SPTAN1: variants seen among roughly 807,000 people sequenced by gnomAD.
SPTAN1 encodes spectrin alpha, non-erythrocytic 1, also known as spectrin alpha chain, non-erythrocytic 1.
SPTAN1 carries 61 observed loss-of-function variants against 331.3 expected under a neutral mutation model. The observed-to-expected ratio is 0.18, with a 90% CI of 0.15 to 0.23. The LOEUF is 0.23. SPTAN1 is among the 10% of genes least tolerant of loss of function. The pLI is 1.00. For synonymous variants in SPTAN1, 1,153 were observed against 1,173.9 expected (o/e 0.98, Z 0.36); for missense variants, 2,043 against 3,147.9 (o/e 0.65, Z 8.40).
intron 22 of SPTAN1, 116 bp downstream of exon 22, chr9:128,591,741 G>C: frequency 7.5e-7 from 1 of 1,324,782 alleles, no homozygotes; most frequent in South Asian, 1.3e-5. Flanking sequence ...CACGCCTCCT[G>C]CTGTCTCCAC....
chr9:128,560,473 C>T (rs1246583924), intron 1 of SPTAN1, among the ~76,000 whole-genome samples: 3 of 151,838 alleles, frequency 2.0e-5, no homozygotes, highest in South Asian at 2.1e-4. Context: ...CTCCGCCTCC[C>T]AGGCTCAAGG....
At position 128,584,399 on chromosome 9, in the gene SPTAN1, G is replaced by C; in HGVS notation, c.2311G>C (p.Glu771Gln). 6.2e-7 allele frequency: 1 copy of C among 1,614,192 alleles called. No homozygotes were observed. Among genetic ancestry groups the C allele is most frequent in the Non-Finnish European group, 8.5e-7 (1 of 1,180,038 alleles). The stretch of plus-strand genomic sequence containing the variant: ...CGTGGCTCGCTATGAGGCACTCAAG[G>C]AGCCCATGGTTGCCCGGAAGCAGAA... ...ALVARYEALKEPMVARKQKLA... is the reference protein window; with the variant it reads ...ALVARYEALKQPMVARKQKLA... The change falls in exon 17 of 57, where the codon GAG becomes CAG. Residue 771 changes from glutamate (E) to glutamine (Q), a missense_variant. Coordinates refer to ENST00000372739, the MANE Select transcript of SPTAN1 (RefSeq NM_001130438.3).
intron 48 of SPTAN1, 183 bp from the exon 49 acceptor site, chr9:128,626,208 A>T: frequency 4.2e-6 from 4 of 946,878 alleles, no homozygotes; most frequent in Non-Finnish European, 6.6e-6. Context: ...AAAGGGTAGG[A>T]AGGGGAAAAA....
intron 24 of SPTAN1, among the ~76,000 whole-genome samples, chr9:128,595,223 C>T (rs1197122786): frequency 2.0e-5 from 3 of 152,098 alleles, no homozygotes; most frequent in Admixed American, 2.0e-4. Flanking sequence ...GATTCTCATG[C>T]CTCAGCCACC....
intron 44 of SPTAN1, 78 bp from the exon 45 acceptor site, chr9:128,621,080 G>A (rs1857789153): frequency 8.0e-7 from 1 of 1,254,282 alleles, no homozygotes; most frequent in South Asian, 1.2e-5. Flanking sequence ...TAGCAGTTTT[G>A]TCACTCTCTG....
chr9:128,633,070 A>G lies in SPTAN1; in HGVS notation c.7308+115A>G. 6.3e-7 allele frequency: 1 copy of G among 1,592,650 alleles called. No homozygotes were observed. The highest frequency in any genetic ancestry group is 8.6e-7 in the Non-Finnish European group (1 of 1,169,498). ...GCGCTGGGTATTCTCCCCATTTACA[A>G]ATCAAACTCAGTATGGACAGAAGTC... On this transcript the variant is annotated intron_variant, in intron 56 of 56. Coordinates refer to ENST00000372739, the MANE Select transcript of SPTAN1 (RefSeq NM_001130438.3).
At chr9:128,610,573 C>T (rs539174609) in intron 37 of SPTAN1, among the ~76,000 whole-genome samples, 1 of 151,494 alleles carries the variant, frequency 6.6e-6, no homozygotes, top group African/African-American at 2.4e-5. Context: ...TTTTTTTGCC[C>T]CCCAAATAAC....
chr9:128,554,412 G>C (rs890347028), intron 1 of SPTAN1, among the ~76,000 whole-genome samples: 1 of 152,180 alleles, frequency 6.6e-6, no homozygotes. Flanking sequence ...TGATGAAGAG[G>C]TGCACATGGG....
intron 1 of SPTAN1, among the ~76,000 whole-genome samples, chr9:128,563,392 G>A (rs1849641167): frequency 6.6e-6 from 1 of 152,096 alleles, no homozygotes; most frequent in Non-Finnish European, 1.5e-5. Flanking sequence ...TCTAGCCTGG[G>A]CAACAGAGTG....
Position 128,584,421 on chromosome 9 carries a change from A to G in SPTAN1, c.2333A>G (p.Gln778Arg). Reference sequence around the variant, plus strand: ...AAGGAGCCCATGGTTGCCCGGAAGCAGAAGCTGGCCGATTCTCTGCGGTTG... The same window carrying G: ...AAGGAGCCCATGGTTGCCCGGAAGCGGAAGCTGGCCGATTCTCTGCGGTTG... ...ALKEPMVARK[Q>R]KLADSLRLQQ... Residue 778 changes from glutamine to arginine, a missense_variant, in exon 17 of 57, where the codon CAG becomes CGG. Around this residue, in one of 12 missense-constraint regions of SPTAN1, gnomAD observed 1,038 missense variants for 1,531.5 expected, o/e 0.68. Transcript: ENST00000372739. 2 of 1,614,206 alleles carry G rather than the reference A, an allele frequency of 1.2e-6. No individual in the cohort carries two copies. The highest frequency in any genetic ancestry group is 2.7e-5 in the African/African-American group (2 of 75,060).
Position 128,633,393 on chromosome 9 carries a change from C to T in SPTAN1, c.*59C>T, listed in dbSNP as rs75693914. On this transcript the variant is annotated 3_prime_UTR_variant, in exon 57 of 57. Transcript: ENST00000372739. ...GCCCTGCGTCGCCTTGCTGCATGTC[C>T]GCTCCTCTGTGTGCTCTCACTTTCC... 1.7e-4 allele frequency: 268 copies of T among 1,610,752 alleles called. 3 individuals are homozygous for T. In the East Asian group the frequency reaches 5.0e-3, roughly 30 times the overall value.
intron 36 of SPTAN1, 43 bp downstream of exon 36, chr9:128,609,327 G>T: frequency 6.2e-7 from 1 of 1,613,530 alleles, no homozygotes; most frequent in African/African-American, 1.3e-5. Context: ...GTAGCCTTAT[G>T]TTATTGAGTA....
chr9:128,599,344 A>G, intron 26 of SPTAN1: 1 of 321,462 alleles, frequency 3.1e-6, no homozygotes, highest in Admixed American at 4.2e-5. Flanking sequence ...CATGTTGTCC[A>G]GGCTGGTCTC....
rs1856634863 is a variant in SPTAN1, at chr9:128,612,093, C to G, written c.4906-16C>G. 10 of 1,614,124 alleles carry G rather than the reference C, an allele frequency of 6.2e-6. No homozygotes were observed. In the East Asian group the frequency reaches 2.2e-4, roughly 36 times the overall value. On this transcript the variant is annotated splice_polypyrimidine_tract_variant and intron_variant, in intron 38 of 56. Transcript: ENST00000372739. ...TCATAGATTTCATCTCTTTTTGGCT[C>G]CCTTCTGTTCCCCAGGCCCGCCTGG... is the stretch of plus-strand genomic sequence containing the variant.
At position 128,627,918 on chromosome 9, in the gene SPTAN1, T is replaced by G. The variant is rs868686679; in HGVS notation, c.6690-7T>G. ...GTCTCCCGGCTGCTTGGATCTGCTC[T>G]CCACAGGACATACCTCCTCGATGGG... On this transcript the variant is annotated splice_polypyrimidine_tract_variant and splice_region_variant and intron_variant, in intron 50 of 56. Transcript: ENST00000372739. This position sits in a 1 kb window ranked among gnomAD's most constrained non-coding sequence, Gnocchi z 4.9. 6.2e-7 allele frequency: 1 copy of G among 1,614,178 alleles called. No individual in the cohort carries two copies. The highest frequency in any genetic ancestry group is 1.6e-4 in the Middle Eastern group (1 of 6,062).
intron 23 of SPTAN1, 38 bp downstream of exon 23, chr9:128,593,080 A>G (rs958021303): frequency 6.3e-7 from 1 of 1,582,754 alleles, no homozygotes; most frequent in African/African-American, 1.3e-5. Flanking sequence ...ACCAATGTCC[A>G]CTGCTACCCT....
intron 1 of SPTAN1, among the ~76,000 whole-genome samples, chr9:128,561,918 A>G (rs1245913156): frequency 6.6e-6 from 1 of 152,028 alleles, no homozygotes; most frequent in African/African-American, 2.4e-5. Context: ...CCCAGAGAGT[A>G]AGAGTAAAAT....
intron 40 of SPTAN1, 109 bp from the exon 41 acceptor site, chr9:128,615,521 CTT>C (rs1564292768): frequency 9.1e-7 from 1 of 1,101,702 alleles, no homozygotes; most frequent in African/African-American, 1.5e-5. Context: ...ACATAACAGA[CTT>C]TGAGAATATC....
chr9:128,623,530 A>G (rs1440142795), intron 45 of SPTAN1, among the ~76,000 whole-genome samples: 1 of 151,062 alleles, frequency 6.6e-6, no homozygotes, highest in Non-Finnish European at 1.5e-5. Context: ...ATCTCGGCTC[A>G]CTGCAGCCTC....
Sources: allele counts gnomAD v4.1 joint callset (sites outside exome capture counted in the v4.1 genomes callset), GRCh38; gene constraint gnomAD v4.1.1; regional missense constraint gnomAD v4.1.1; non-coding constraint Gnocchi (gnomAD v3.1); transcripts MANE v1.5; gene names NCBI Gene and HGNC (gene_info 2026-07-23, HGNC 2026-07-21).